The following MYCBP2 variants were observed in gnomAD, a reference collection of about 807,000 sequenced individuals.
MYCBP2 encodes MYC binding protein 2.
Under a neutral mutation model 525.3 loss-of-function variants are expected in MYCBP2, and 120 were observed. The ratio of observed to expected loss-of-function variants is 0.23; its 90% CI spans 0.20 to 0.27. The LOEUF is 0.27. Among genes scored for constraint, MYCBP2 ranks in the 10% least tolerant of loss-of-function variants. MYCBP2 has a pLI of 1.00. For synonymous variants in MYCBP2, 1,894 were observed against 1,955.8 expected (o/e 0.97, Z 0.83); for missense variants, 4,149 against 5,657.1 (o/e 0.73, Z 8.55).
At chr13:77,165,849 T>C (rs1442964492) in intron 41 of MYCBP2, among the ~76,000 whole-genome samples, 1 of 152,146 alleles carries the variant, frequency 6.6e-6, no homozygotes, top group East Asian at 1.9e-4. Context: ...GTTTGAAGGA[T>C]CACAAGAGTA....
intron 33 of MYCBP2, among the ~76,000 whole-genome samples, chr13:77,180,937 C>A (rs922787998): frequency 6.6e-5 from 10 of 152,180 alleles, no homozygotes; most frequent in African/African-American, 2.4e-4. Context: ...AAATAAAAAG[C>A]TTTTTCTATA....
intron 74 of MYCBP2, 78 bp downstream of exon 74, chr13:77,062,518 T>A: frequency 8.0e-7 from 1 of 1,244,018 alleles, no homozygotes; most frequent in Admixed American, 1.9e-5. Flanking sequence ...GTTTTTTGTT[T>A]GTTTGTTTGT....
chr13:77,269,287 T>C (rs1465217298), intron 7 of MYCBP2, among the ~76,000 whole-genome samples: 1 of 151,934 alleles, frequency 6.6e-6, no homozygotes, highest in Middle Eastern at 3.2e-3. Context: ...AATGAAAGAG[T>C]CTGTGGTAAG....
chr13:77,317,466 T>C (rs746521464), intron 1 of MYCBP2, among the ~76,000 whole-genome samples: 3 of 152,232 alleles, frequency 2.0e-5, no homozygotes, highest in Admixed American at 6.5e-5. Context: ...CCTAATTTCA[T>C]GTGATCTTCC....
chr13:77,294,158 T>G (rs1169873532), intron 2 of MYCBP2, among the ~76,000 whole-genome samples: 15 of 54,402 alleles, frequency 2.8e-4, no homozygotes, highest in South Asian at 5.5e-4. Flanking sequence ...ATATAAAATA[T>G]ATATAAAGTA....
intron 63 of MYCBP2, 180 bp from the exon 64 acceptor site, chr13:77,082,173 T>C (rs1347984408): frequency 3.6e-6 from 2 of 550,066 alleles, no homozygotes; most frequent in African/African-American, 3.8e-5. Context: ...GAAATAAAGG[T>C]AACTTCTTTG....
At chr13:77,294,129 T>TATACATATATATATATAC (rs1450128273) in intron 2 of MYCBP2, among the ~76,000 whole-genome samples, 8 of 26,130 alleles carry the variant, frequency 3.1e-4, no homozygotes, top group African/African-American at 6.6e-4. Flanking sequence ...TATATATATA[T>TATACATATATATATATAC]ACATATATAT....
chr13:77,171,147 T>C (rs2059106253), intron 38 of MYCBP2, among the ~76,000 whole-genome samples: 1 of 152,260 alleles, frequency 6.6e-6, no homozygotes. Context: ...CCCAGAGTTT[T>C]GGGTGGATAG....
intron 41 of MYCBP2, 51 bp downstream of exon 41, chr13:77,166,277 TA>T (rs2058507788): frequency 1.6e-6 from 2 of 1,263,872 alleles, no homozygotes; most frequent in Non-Finnish European, 2.2e-6. Flanking sequence ...TTACTAAATA[TA>T]CATAAATGCA....
At chr13:77,238,655 A>T (rs989327768) in intron 17 of MYCBP2, among the ~76,000 whole-genome samples, 1 of 152,252 alleles carries the variant, frequency 6.6e-6, no homozygotes, top group Admixed American at 6.5e-5. Flanking sequence ...AAAAAAATTA[A>T]CTAGACTATT....
intron 34 of MYCBP2, among the ~76,000 whole-genome samples, chr13:77,179,544 G>A (rs527301793): frequency 6.6e-6 from 1 of 152,250 alleles, no homozygotes; most frequent in South Asian, 2.1e-4. Context: ...TTGTGATAAT[G>A]TACAACTAAG....
Position 77,045,420 on chromosome 13 carries a change from A to G in MYCBP2, c.13995T>C (p.Phe4665=). 2 of 1,614,168 alleles carry G rather than the reference A, an allele frequency of 1.2e-6. No individual in the cohort carries two copies. The highest frequency in any genetic ancestry group is 2.7e-5 in the African/African-American group (2 of 75,052). The stretch of plus-strand genomic sequence containing the variant: ...TTCTGCACACTCCACATCCCAGAGC[A>G]AACTCTTCCCCAGTGGGTGGATGAA... ...HVVHPPTGEE[F]ALGCGVCRNA... Residue 4665 remains phenylalanine, a synonymous_variant, in exon 83 of 83, where the codon TTT becomes TTC. Transcript: ENST00000544440.
In MYCBP2 at chr13:77,201,704, C is replaced by T. The variant is rs1416328090; in HGVS notation, c.3843+3552G>A. 9.2e-5 allele frequency among the ~76,000 whole-genome samples: 14 copies of T among 152,048 alleles called. No homozygotes were observed. In the East Asian group the frequency reaches 2.3e-3, roughly 25 times the overall value. Reference sequence around the variant, plus strand: ...TTATAACAAACTGTCTCTCAGACCACAGTGCAATCAAACTAGAACTCAGGA... The same window carrying T: ...TTATAACAAACTGTCTCTCAGACCATAGTGCAATCAAACTAGAACTCAGGA... On this transcript the variant is annotated intron_variant, in intron 26 of 82. Transcript: ENST00000544440.
chr13:77,167,217 A>G (rs370195450), intron 40 of MYCBP2, among the ~76,000 whole-genome samples: 1 of 152,146 alleles, frequency 6.6e-6, no homozygotes, highest in Admixed American at 6.5e-5. Context: ...ATAAACATAT[A>G]TACATTTATG....
At chr13:77,161,830 C>A in intron 44 of MYCBP2, 76 bp downstream of exon 44, 1 of 1,153,790 alleles carries the variant, frequency 8.7e-7, no homozygotes, top group Non-Finnish European at 1.3e-6. Context: ...ATGGTCAAGA[C>A]AAATAGGCTG....
At chr13:77,277,872 T>C (rs1471999612) in intron 4 of MYCBP2, among the ~76,000 whole-genome samples, 1 of 152,206 alleles carries the variant, frequency 6.6e-6, no homozygotes, top group Non-Finnish European at 1.5e-5. Context: ...TAAAGACCCA[T>C]AGTTAGCATC....
At chr13:77,057,345 A>G (rs1179355550) in intron 78 of MYCBP2, among the ~76,000 whole-genome samples, 1 of 152,222 alleles carries the variant, frequency 6.6e-6, no homozygotes, top group Non-Finnish European at 1.5e-5. Flanking sequence ...CCACTTATAT[A>G]AAGTAAGCTA....
chr13:77,131,597 C>G (rs928244227), intron 52 of MYCBP2, among the ~76,000 whole-genome samples: 6 of 151,896 alleles, frequency 4.0e-5, no homozygotes, highest in Non-Finnish European at 8.8e-5. Flanking sequence ...TATGAACATT[C>G]AGGAAAATGT....
chr13:77,315,116 T>A (rs944046514), intron 1 of MYCBP2, among the ~76,000 whole-genome samples: 21 of 152,160 alleles, frequency 1.4e-4, no homozygotes, highest in African/African-American at 5.1e-4. Context: ...AAAATCTGAA[T>A]AACGCTCTAA....
Sources: gnomAD v4.1 joint callset for allele counts (sites outside exome capture counted in the v4.1 genomes callset) on GRCh38, gnomAD v4.1.1 for gene constraint, MANE v1.5 for transcripts, NCBI Gene and HGNC (gene_info 2026-07-23, HGNC 2026-07-21) for gene names.